PDE1A: variants seen among roughly 807,000 people sequenced by gnomAD.
PDE1A encodes phosphodiesterase 1A.
PDE1A carries 35 observed loss-of-function variants against 61.7 expected under a neutral mutation model. That is an observed-to-expected ratio of 0.57 (90% CI 0.43 to 0.75). The LOEUF is 0.75. Ranked by LOEUF, PDE1A falls within the 30% of genes least tolerant of loss-of-function variation. PDE1A has a pLI of 0.00. For synonymous variants in PDE1A, 232 were observed against 213.2 expected, an observed-to-expected ratio of 1.09 and a Z score of -0.77; for missense variants, 597 against 630.6, an observed-to-expected ratio of 0.95 and a Z score of 0.57.
At chr2:182,626,750 T>TAC in the PDE1A span, among the ~76,000 whole-genome samples, 1 of 20,784 alleles carries the variant, frequency 4.8e-5, no homozygotes, top group African/African-American at 1.3e-4. Flanking sequence ...TATATATACA[T>TAC]ATATATATAT....
chr2:182,193,801 C>T (rs1685909638), intron 10 of PDE1A, among the ~76,000 whole-genome samples: 1 of 152,018 alleles, frequency 6.6e-6, no homozygotes, highest in South Asian at 2.1e-4. Flanking sequence ...ACTTTTATGG[C>T]TCTTGAAACT....
the PDE1A span, among the ~76,000 whole-genome samples, chr2:182,657,177 C>T: frequency 3.9e-5 from 6 of 152,026 alleles, no homozygotes; most frequent in Non-Finnish European, 8.8e-5. Context: ...GAGCCAAGGT[C>T]GCGCCACTGC....
chr2:182,492,799 G>A (rs1356918310), intron 2 of PDE1A, among the ~76,000 whole-genome samples: 1 of 151,926 alleles, frequency 6.6e-6, no homozygotes, highest in Non-Finnish European at 1.5e-5. Context: ...AAATTTTTTT[G>A]ATGCAGTGAA....
intron 2 of PDE1A, among the ~76,000 whole-genome samples, chr2:182,496,910 T>G (rs576229175): frequency 6.6e-6 from 1 of 152,332 alleles, no homozygotes; most frequent in African/African-American, 2.4e-5. Flanking sequence ...TTGAATCCCT[T>G]TCTGTTTCAA....
chr2:182,485,136 TTG>T (rs1559504289), intron 2 of PDE1A, among the ~76,000 whole-genome samples: 3 of 152,040 alleles, frequency 2.0e-5, no homozygotes, highest in South Asian at 4.2e-4. Flanking sequence ...CAGTAACAGA[TTG>T]GATAAAGAAA....
chr2:182,411,630 A>C (rs115896857), intron 1 of PDE1A, among the ~76,000 whole-genome samples: 108 of 152,254 alleles, frequency 7.1e-4, no homozygotes, highest in Non-Finnish European at 1.2e-3. Flanking sequence ...AATTGCTCTA[A>C]ATCAATGGTT....
At chr2:182,572,975 AT>A in the PDE1A span, among the ~76,000 whole-genome samples, 1 of 152,168 alleles carries the variant, frequency 6.6e-6, no homozygotes, top group African/African-American at 2.4e-5. Flanking sequence ...AAATGAAAGA[AT>A]TCAACATCTA....
the PDE1A span, among the ~76,000 whole-genome samples, chr2:182,560,699 A>G: frequency 6.6e-6 from 1 of 152,060 alleles, no homozygotes; most frequent in African/African-American, 2.4e-5. Flanking sequence ...AAGTGTTCCT[A>G]TTTCTCCACA....
chr2:182,269,984 A>G (rs1251317745), intron 1 of PDE1A, among the ~76,000 whole-genome samples: 3 of 152,252 alleles, frequency 2.0e-5, no homozygotes, highest in Admixed American at 2.0e-4. Flanking sequence ...ATTCTAAGTT[A>G]TATTATCAAA....
At chr2:182,319,566 G>A (rs1574339746) in intron 1 of PDE1A, among the ~76,000 whole-genome samples, 1 of 152,130 alleles carries the variant, frequency 6.6e-6, no homozygotes, top group Admixed American at 6.6e-5. Flanking sequence ...GTGATGTTAT[G>A]TAGACTTCAT....
At chr2:182,449,826 G>A (rs896530248) in intron 2 of PDE1A, among the ~76,000 whole-genome samples, 4 of 152,022 alleles carry the variant, frequency 2.6e-5, no homozygotes, top group Admixed American at 1.3e-4. Flanking sequence ...AAATAGGCTT[G>A]AGAATAATAA....
At chr2:182,353,967 C>T (rs746357463) in intron 1 of PDE1A, among the ~76,000 whole-genome samples, 2 of 151,980 alleles carry the variant, frequency 1.3e-5, no homozygotes, top group South Asian at 2.1e-4. Flanking sequence ...GTACTGTATA[C>T]CTTTGAAAAT....
intron 1 of PDE1A, among the ~76,000 whole-genome samples, chr2:182,354,089 G>A (rs1699041449): frequency 6.6e-6 from 1 of 152,046 alleles, no homozygotes; most frequent in Non-Finnish European, 1.5e-5. Context: ...GATACACAAA[G>A]ATGACATGGA....
At chr2:182,686,724 G>A in the PDE1A span, among the ~76,000 whole-genome samples, 4 of 152,278 alleles carry the variant, frequency 2.6e-5, no homozygotes, top group East Asian at 7.7e-4. Context: ...GCCAAAGCAG[G>A]GCAAGGCATC....
intron 1 of PDE1A, among the ~76,000 whole-genome samples, chr2:182,365,563 C>A (rs984461650): frequency 6.6e-6 from 1 of 151,944 alleles, no homozygotes; most frequent in African/African-American, 2.4e-5. Context: ...AGTTAATTAT[C>A]GGTTGTAAAT....
At chr2:182,658,983 G>A in the PDE1A span, among the ~76,000 whole-genome samples, 1 of 151,932 alleles carries the variant, frequency 6.6e-6, no homozygotes, top group Non-Finnish European at 1.5e-5. Context: ...ACTGGAACAC[G>A]GAATTGAAAG....
chr2:182,508,479 C>T (rs1228840150), intron 2 of PDE1A, among the ~76,000 whole-genome samples: 3 of 151,340 alleles, frequency 2.0e-5, no homozygotes, highest in Non-Finnish European at 4.4e-5. Context: ...TGAGTTAGGT[C>T]GGAAAAACTG....
At chr2:182,570,161 A>AC in the PDE1A span, among the ~76,000 whole-genome samples, 6 of 152,178 alleles carry the variant, frequency 3.9e-5, no homozygotes, top group Non-Finnish European at 8.8e-5. Flanking sequence ...CAAAGGGGAG[A>AC]TAAAATGTTA....
At chr2:182,679,940 T>C in the PDE1A span, among the ~76,000 whole-genome samples, 2 of 152,154 alleles carry the variant, frequency 1.3e-5, no homozygotes, top group Non-Finnish European at 2.9e-5. Flanking sequence ...CTCTACCAGA[T>C]ATTACAACAT....
Sources: gnomAD v4.1 joint callset for allele counts (sites outside exome capture counted in the v4.1 genomes callset) on GRCh38, gnomAD v4.1.1 for gene constraint, MANE v1.5 for transcripts, NCBI Gene and HGNC (gene_info 2026-07-23, HGNC 2026-07-21) for gene names.